Variants in MAP3K7CL observed in about 807,000 individuals in gnomAD.
MAP3K7CL encodes the protein MAP3K7 C-terminal-like protein.
In MAP3K7CL, 16 loss-of-function variants were observed where a neutral mutation model predicts 18.6. The ratio of observed to expected loss-of-function variants is 0.86; its 90% CI spans 0.58 to 1.31. MAP3K7CL has a LOEUF of 1.31. Among genes scored for constraint, MAP3K7CL ranks in the 50% most tolerant of loss-of-function variants. MAP3K7CL has a pLI of 0.00. For synonymous variants in MAP3K7CL, 65 were observed against 66.8 expected (o/e 0.97, Z 0.13); for missense variants, 163 against 174.4 (o/e 0.93, Z 0.37).
intron 4 of MAP3K7CL, among the ~76,000 whole-genome samples, chr21:29,123,313 C>G (rs986083359): frequency 6.6e-6 from 1 of 152,112 alleles, no homozygotes; most frequent in Non-Finnish European, 1.5e-5. Context: ...ATCCACCTGC[C>G]TTGGCCTCCC....
intron 2 of MAP3K7CL, among the ~76,000 whole-genome samples, chr21:29,146,688 C>G (rs1339677091): frequency 1.3e-5 from 2 of 152,104 alleles, no homozygotes; most frequent in African/African-American, 4.8e-5. Context: ...CTGAGGACAC[C>G]CATTGTCTAG....
intron 3 of MAP3K7CL, among the ~76,000 whole-genome samples, chr21:29,155,755 G>A (rs1173342500): frequency 6.6e-6 from 1 of 152,158 alleles, no homozygotes; most frequent in Non-Finnish European, 1.5e-5. Flanking sequence ...GCGGGAGGAG[G>A]CGGAGATGGA....
intron 3 of MAP3K7CL, among the ~76,000 whole-genome samples, chr21:29,151,000 C>T (rs2087259412): frequency 6.6e-6 from 1 of 151,144 alleles, no homozygotes; most frequent in African/African-American, 2.4e-5. Flanking sequence ...AAACTCCTGA[C>T]CTCAAGTGAT....
intron 2 of MAP3K7CL, among the ~76,000 whole-genome samples, chr21:29,136,447 A>T (rs2086887981): frequency 6.6e-6 from 1 of 152,168 alleles, no homozygotes; most frequent in African/African-American, 2.4e-5. Context: ...TTTATTGTTG[A>T]TGAATAAGCA....
At chr21:29,083,987 G>A (rs2085882069), upstream of MAP3K7CL, among the ~76,000 whole-genome samples, 1 of 146,558 alleles carries the variant, frequency 6.8e-6, no homozygotes, top group Admixed American at 6.8e-5. Flanking sequence ...TATAACATAT[G>A]TATACACACA....
intron 3 of MAP3K7CL, among the ~76,000 whole-genome samples, chr21:29,158,546 G>A (rs756106931): frequency 6.6e-6 from 1 of 152,164 alleles, no homozygotes; most frequent in Non-Finnish European, 1.5e-5. Context: ...GAGGCCTCAT[G>A]ATACATAGGG....
At chr21:29,157,661 C>G (rs1479314044) in intron 3 of MAP3K7CL, among the ~76,000 whole-genome samples, 1 of 152,104 alleles carries the variant, frequency 6.6e-6, no homozygotes, top group East Asian at 1.9e-4. Context: ...ATCACATATG[C>G]TTAGTGGCAT....
intron 2 of MAP3K7CL, among the ~76,000 whole-genome samples, chr21:29,148,167 C>A (rs927828073): frequency 2.0e-5 from 3 of 151,566 alleles, no homozygotes; most frequent in Non-Finnish European, 4.4e-5. Flanking sequence ...TGTACTGTAC[C>A]TGTACTGTAT....
chr21:29,088,621 G>A (rs1008429663), intron 1 of MAP3K7CL, among the ~76,000 whole-genome samples: 7 of 152,202 alleles, frequency 4.6e-5, no homozygotes, highest in Non-Finnish European at 7.3e-5. Context: ...CACTAGTGCT[G>A]TATTTCTTAA....
intron 2 of MAP3K7CL, among the ~76,000 whole-genome samples, chr21:29,134,359 A>T (rs182952970): frequency 3.5e-4 from 53 of 152,198 alleles, no homozygotes; most frequent in African/African-American, 8.9e-4. Flanking sequence ...TCTCTATTTT[A>T]AAAAAAGTAG....
intron 4 of MAP3K7CL, among the ~76,000 whole-genome samples, chr21:29,162,799 A>G (rs542052829): frequency 5.9e-5 from 9 of 151,990 alleles, no homozygotes; most frequent in Admixed American, 2.6e-4. Flanking sequence ...GGGTACCACT[A>G]CAACAATATT....
At chr21:29,079,132 G>A (rs1348992103) in intron 1 of MAP3K7CL, among the ~76,000 whole-genome samples, 6 of 152,324 alleles carry the variant, frequency 3.9e-5, no homozygotes, top group East Asian at 3.9e-4. Flanking sequence ...GAAGACCCAC[G>A]TCTCATCAGA....
At chr21:29,108,476 C>A (rs935785196) in intron 4 of MAP3K7CL, among the ~76,000 whole-genome samples, 1 of 152,162 alleles carries the variant, frequency 6.6e-6, no homozygotes, top group Non-Finnish European at 1.5e-5. Flanking sequence ...GTTTTTGACA[C>A]CTACTGCCAA....
intron 1 of MAP3K7CL, chr21:29,086,000 T>C (rs1359977708): frequency 6.7e-7 from 1 of 1,483,086 alleles, no homozygotes; most frequent in Admixed American, 1.7e-5. Flanking sequence ...GGGAAAAATG[T>C]AGGAAAGAAG....
chr21:29,138,066 G>A (rs2086923146), intron 2 of MAP3K7CL, among the ~76,000 whole-genome samples: 1 of 152,096 alleles, frequency 6.6e-6, no homozygotes, highest in Non-Finnish European at 1.5e-5. Flanking sequence ...TGGTAGATGA[G>A]GAGTTGGTCA....
intron 3 of MAP3K7CL, among the ~76,000 whole-genome samples, chr21:29,156,492 T>TTGA (rs1257054068): frequency 6.6e-6 from 1 of 152,230 alleles, no homozygotes; most frequent in African/African-American, 2.4e-5. Flanking sequence ...AACCTGATTC[T>TTGA]TGAATTCTAA....
intron 4 of MAP3K7CL, chr21:29,109,720 A>G (rs893048425): frequency 2.0e-6 from 2 of 985,950 alleles, no homozygotes; most frequent in Non-Finnish European, 2.4e-6. Flanking sequence ...CAAACCTTAT[A>G]CAAACAGTTA....
upstream of MAP3K7CL, among the ~76,000 whole-genome samples, chr21:29,084,802 T>G (rs2085895966): frequency 6.6e-6 from 1 of 152,182 alleles, no homozygotes; most frequent in African/African-American, 2.4e-5. Context: ...ATCTTTTCAT[T>G]CCCTGACATC....
At chr21:29,141,832 A>C (rs1466159810) in intron 2 of MAP3K7CL, among the ~76,000 whole-genome samples, 1 of 152,132 alleles carries the variant, frequency 6.6e-6, no homozygotes, top group Non-Finnish European at 1.5e-5. Flanking sequence ...AAAGTTTTAA[A>C]AAGCTTTTGT....
Sources: gnomAD v4.1 joint callset for allele counts (sites outside exome capture counted in the v4.1 genomes callset) on GRCh38, gnomAD v4.1.1 for gene constraint, MANE v1.5 for transcripts, NCBI Gene and HGNC (gene_info 2026-07-23, HGNC 2026-07-21) for gene names.